Variants in SPTBN5 observed in about 807,000 individuals in gnomAD.
SPTBN5 encodes the protein spectrin beta chain, non-erythrocytic 5.
In SPTBN5, 513 loss-of-function variants were observed where a neutral mutation model predicts 477.6. The ratio of observed to expected loss-of-function variants is 1.07; its 90% CI spans 1.00 to 1.16. The LOEUF (loss-of-function observed/expected upper bound fraction) is 1.16. Ranked by LOEUF, SPTBN5 falls within the 50% of genes most tolerant of loss-of-function variation. SPTBN5 has a pLI of 0.00. For missense variants in SPTBN5, 5,062 were observed against 4,731.8 expected, an observed-to-expected ratio of 1.07 and a Z score of -2.05; for synonymous variants, 2,169 against 2,011.7, an observed-to-expected ratio of 1.08 and a Z score of -2.09.
At chr15:41,854,725 A>G in intron 56 of SPTBN5, 57 bp downstream of exon 56, 1 of 1,419,606 alleles carries the variant, frequency 7.0e-7, no homozygotes, top group Non-Finnish European at 9.4e-7. Flanking sequence ...GAGGGCTTAG[A>G]GGGATTTTTT....
At chr15:41,866,530 C>A in intron 36 of SPTBN5, 37 bp from the exon 37 acceptor site, 1 of 1,491,624 alleles carries the variant, frequency 6.7e-7, no homozygotes, top group Non-Finnish European at 8.9e-7. Flanking sequence ...CAATGTTCTG[C>A]AGCCTCAGGC....
intron 49 of SPTBN5, among the ~76,000 whole-genome samples, chr15:41,858,000 T>G (rs1343506654): frequency 6.6e-6 from 1 of 152,134 alleles, no homozygotes; most frequent in Non-Finnish European, 1.5e-5. Flanking sequence ...AAAGAGAATG[T>G]TTTAAAAAGT....
In SPTBN5 at chr15:41,872,322, C is replaced by T. The variant is rs1645306701; in HGVS notation, c.5145G>A (p.Leu1715=). ...CTCACCGTGTGGCCGCCAACTCCTG[C>T]AGTGCCCGCAGCTGCTCCCGGAGCC... ...QERLREQLRA[L]QELAATRDRE... is the part of the protein sequence containing the mutation. The change falls in exon 27 of 68, where the codon CTG becomes CTA. Residue 1715 remains leucine, a synonymous_variant. Transcript: ENST00000320955. 5 of 1,610,940 alleles carry T rather than the reference C, an allele frequency of 3.1e-6. No homozygotes were observed. The highest frequency in any genetic ancestry group is 4.2e-6 in the Non-Finnish European group (5 of 1,179,692).
intron 35 of SPTBN5, 100 bp downstream of exon 35, chr15:41,867,438 G>C (rs2066363438): frequency 1.7e-6 from 2 of 1,154,650 alleles, no homozygotes; most frequent in Admixed American, 1.7e-5. Context: ...AGGCTCATCA[G>C]CACTGCCTCC....
chr15:41,890,099 G>C lies in SPTBN5; in HGVS notation c.491C>G (p.Ser164Cys). 6.2e-7 allele frequency: 1 copy of C among 1,610,024 alleles called. No homozygotes were observed. Among genetic ancestry groups the C allele is most frequent in the Non-Finnish European group, 8.5e-7 (1 of 1,177,692 alleles). Residue 164 changes from serine (S) to cysteine (C), a missense_variant, in exon 4 of 68, where the codon TCC becomes TGC. Physicochemically the swap from Ser to Cys is moderately radical, Grantham distance 112. Transcript: ENST00000320955. ...IILRFQISHI[S>C]LDKEEFGASA... ...GGGACTGAGCCATACCTTGTCCAAG[G>C]AGATGTGGGAGATCTGGAAACGCAG...
In SPTBN5 at chr15:41,853,856, C is replaced by T. The variant is rs2065854198; in HGVS notation, c.9775-69G>A. On this transcript the variant is annotated intron_variant, in intron 57 of 67. Coordinates refer to ENST00000320955, the MANE Select transcript of SPTBN5 (RefSeq NM_016642.4). ...CCGATGCGTGCTCTGCATTCAGGAG[C>T]ACCAGGCCTCTCTGAGGAACCACCT... The T allele has an allele frequency of 2.1e-6, 3 of 1,461,146 alleles. No individual in the cohort carries two copies. In the South Asian group the frequency reaches 4.0e-5, roughly 19 times the overall value. The allele number at this position is 1,461,146 out of a possible 1,614,324, so 90.5% of individuals were successfully genotyped here.
rs142033165 is a variant in SPTBN5 at position 41,872,701 on chromosome 15, C to T, written c.5008-242G>A. ...TGCCCACTGAGGGCTCATTATTTAG[C>T]AGGGAAAGGTGAATGCTGGCTAATC... On this transcript the variant is annotated intron_variant, in intron 26 of 67. Transcript: ENST00000320955. 3.7e-3 allele frequency among the ~76,000 whole-genome samples: 571 copies of T among 152,302 alleles called. 4 individuals are homozygous for T. Among genetic ancestry groups the T allele is most frequent in the African/African-American group, 0.013 (529 of 41,568 alleles).
chr15:41,890,645 C>G (rs1469019110), intron 3 of SPTBN5, among the ~76,000 whole-genome samples: 1 of 152,208 alleles, frequency 6.6e-6, no homozygotes, highest in Non-Finnish European at 1.5e-5. Flanking sequence ...GGGCTCACAC[C>G]CAAATCTCAG....
At chr15:41,875,149 A>C in intron 22 of SPTBN5, 93 bp from the exon 23 acceptor site, 1 of 1,221,336 alleles carries the variant, frequency 8.2e-7, no homozygotes, top group East Asian at 2.6e-5. Context: ...TTTTAGGACC[A>C]GATTCACCAG....
chr15:41,868,625 G>C, intron 32 of SPTBN5, 24 bp from the exon 33 acceptor site: 4 of 1,592,330 alleles, frequency 2.5e-6, no homozygotes, highest in Non-Finnish European at 3.4e-6. Flanking sequence ...CACGGAGGGA[G>C]AGCCGGGTGA....
At chr15:41,861,676 G>C in intron 45 of SPTBN5, 59 bp downstream of exon 45, 1 of 1,508,490 alleles carries the variant, frequency 6.6e-7, no homozygotes, top group Non-Finnish European at 8.9e-7. Flanking sequence ...AGGCTGTGGG[G>C]TCAGCGCAGG....
Position 41,854,089 on chromosome 15 carries a change from T to C in SPTBN5, c.9735A>G (p.Ser3245=), listed in dbSNP as rs1473128301. The C allele has an allele frequency of 6.3e-7, 1 of 1,580,798 alleles. No homozygotes were observed. The highest frequency in any genetic ancestry group is 8.6e-7 in the Non-Finnish European group (1 of 1,164,990). ...GCTGTTGCTGCAGGGTCCGCACAGA[T>C]GACAGGCTGTGGCCTCCGTCCTCCC... The part of the protein sequence containing the change: ...MKGEDGGHSL[S]SVRTLQQQHR... Residue 3245 remains serine (S), a synonymous_variant, in exon 57 of 68, where the codon TCA becomes TCG. Transcript: ENST00000320955.
Position 41,855,310 on chromosome 15 carries a change from C to G in SPTBN5, c.9337G>C (p.Glu3113Gln), listed in dbSNP as rs764933431. The change falls in exon 55 of 68, where the codon GAG (glutamate) becomes CAG (glutamine). Residue 3113 changes from glutamate (E) to glutamine (Q), a missense_variant. Transcript: ENST00000320955. ...EQLQLHQLER[E>Q]TLLLDAWLTT... ...AGCCAGGCGTCGAGGAGCAGGGTCT[C>G]TCGCTCCAGCTGGTGTAGCTGCAGC... 1.2e-6 allele frequency: 2 copies of G among 1,610,558 alleles called. No homozygotes were observed. The highest frequency in any genetic ancestry group is 1.7e-6 in the Non-Finnish European group (2 of 1,179,782).
At chr15:41,877,017 C>T (rs1032429028) in intron 18 of SPTBN5, 69 bp from the exon 19 acceptor site, 3 of 1,587,264 alleles carry the variant, frequency 1.9e-6, no homozygotes, top group African/African-American at 2.7e-5. Flanking sequence ...CCGCCACTGC[C>T]CCAGGGGCCT....
At position 41,883,006 on chromosome 15, in the gene SPTBN5, C is replaced by A. The variant is rs767750253; in HGVS notation, c.1882G>T (p.Val628Phe). 7 of 1,543,170 alleles carry A rather than the reference C, an allele frequency of 4.5e-6. No individual in the cohort carries two copies. The Admixed American group carries it at 1.4e-4, about 30-fold the overall frequency. ...AQLQQSLVAL[V>F]RARRALLEQT... The stretch of plus-strand genomic sequence containing the variant: ...GGGGCAGGCTCTTACCGGGCCCTGA[C>A]AAGAGCCACCAGGCTCTGTTGGAGC... Residue 628 changes from valine (V) to phenylalanine (F), a missense_variant, in exon 9 of 68, where the codon GTC becomes TTC. Physicochemically the swap from Val to Phe is conservative, Grantham distance 50. Coordinates refer to ENST00000320955, the MANE Select transcript of SPTBN5 (RefSeq NM_016642.4).
chr15:41,869,629 G>C (rs548950076), intron 32 of SPTBN5, among the ~76,000 whole-genome samples: 1 of 152,322 alleles, frequency 6.6e-6, no homozygotes, highest in African/African-American at 2.4e-5. Context: ...CACTCACCTT[G>C]CTGGCACTGA....
chr15:41,889,038 G>A (rs148872039), intron 4 of SPTBN5, among the ~76,000 whole-genome samples: 78 of 152,366 alleles, frequency 5.1e-4, no homozygotes, highest in East Asian at 2.5e-3. Flanking sequence ...CAGGGCTGGA[G>A]GGGGCTGCAG....
chr15:41,875,193 C>T, intron 22 of SPTBN5, 137 bp from the exon 23 acceptor site: 2 of 921,690 alleles, frequency 2.2e-6, no homozygotes, highest in Non-Finnish European at 3.2e-6. Context: ...AACCCTCGGC[C>T]AGAAGTGCCC....
chr15:41,871,465 C>T lies in SPTBN5; in HGVS notation c.5357G>A (p.Arg1786Gln), dbSNP rs569210387. 26 of 1,538,394 alleles carry T rather than the reference C, an allele frequency of 1.7e-5. No individual in the cohort carries two copies. The highest frequency in any genetic ancestry group is 1.1e-4 in the African/African-American group (8 of 72,758). ...CGCCAGCAGCCGGCAGGCGGCCACC[C>T]GCTGGCTGCCCATCTCCACTTGGTG... ...FQHQVEMGSQ[R>Q]VAACRLLAES... The change falls in exon 29 of 68, where the codon CGG (arginine) becomes CAG (glutamine). Residue 1786 changes from arginine (R) to glutamine (Q), a missense_variant. By Grantham distance (43) the Arg-to-Gln change is conservative (BLOSUM62 1). Transcript: ENST00000320955.
Sources: gnomAD v4.1 joint callset for allele counts (sites outside exome capture counted in the v4.1 genomes callset) on GRCh38, gnomAD v4.1.1 for gene constraint, MANE v1.5 for transcripts, NCBI Gene and HGNC (gene_info 2026-07-23, HGNC 2026-07-21) for gene names.